The following ZNF821 variants were observed in gnomAD, a reference collection of about 807,000 sequenced individuals.
ZNF821 encodes the protein zinc finger protein 821.
ZNF821 carries 16 observed loss-of-function variants against 44.3 expected under a neutral mutation model. That is an observed-to-expected ratio of 0.36 (90% confidence interval 0.24 to 0.55). The LOEUF (loss-of-function observed/expected upper bound fraction) is 0.55. Among genes scored for constraint, ZNF821 ranks in the 20% least tolerant of loss-of-function variants. The pLI, the probability that ZNF821 is intolerant of heterozygous loss-of-function variation, is 0.86. For synonymous variants in ZNF821, 204 were observed against 197.6 expected (o/e 1.03, Z -0.27); for missense variants, 436 against 547.6 (o/e 0.80, Z 2.03).
intron 1 of ZNF821, 138 bp from the exon 2 acceptor site, chr16:71,883,411 C>T: frequency 2.9e-6 from 1 of 349,722 alleles, no homozygotes; most frequent in South Asian, 2.2e-5. Context: ...CAGGTAAATT[C>T]CCAGGAATTA....
Position 71,880,018 on chromosome 16 carries a change from GC to G in ZNF821, c.-73del. 7.1e-7 allele frequency: 1 copy of G among 1,403,474 alleles called. No individual in the cohort carries two copies. The highest frequency in any genetic ancestry group is 9.9e-7 in the Non-Finnish European group (1 of 1,012,912). The allele number at this position is 1,403,474 out of a possible 1,614,324, so 86.9% of individuals were successfully genotyped here. Reference sequence around the variant, plus strand: ...ATATGTTACTACCTCCTTGCAAGATGCTAACCTGCAATAAAAAAGGTTATTG... The same window carrying G: ...ATATGTTACTACCTCCTTGCAAGATGTAACCTGCAATAAAAAAGGTTATTG... On this transcript the variant is annotated 5_prime_UTR_variant, in exon 3 of 8. Coordinates refer to ENST00000425432, the MANE Select transcript of ZNF821 (RefSeq NM_001201552.2).
chr16:71,893,495 T>C (rs1226428583), intron 1 of ZNF821, among the ~76,000 whole-genome samples: 1 of 151,216 alleles, frequency 6.6e-6, no homozygotes, highest in Non-Finnish European at 1.5e-5. Flanking sequence ...GGTCTCACTC[T>C]GCTGCCCAGG....
At position 71,870,062 on chromosome 16, in the gene ZNF821, G is replaced by C. The variant is rs139521236; in HGVS notation, c.41-2025C>G. ...GAGAACGGCTCTGATCCTAGTGTTAGTGTTTCCTTCATACCATGAGAAATG... is the reference window on the plus strand; with the variant it reads ...GAGAACGGCTCTGATCCTAGTGTTACTGTTTCCTTCATACCATGAGAAATG... On this transcript the variant is annotated intron_variant, in intron 3 of 7. Transcript: ENST00000425432. Among the ~76,000 whole-genome samples the C allele has an allele frequency of 7.9e-5, 12 of 152,292 alleles. No homozygotes were observed. The East Asian group carries it at 2.3e-3, about 29-fold the overall frequency.
intron 1 of ZNF821, among the ~76,000 whole-genome samples, chr16:71,892,178 C>CAAAAAAAAAAAAAAAAAAAAAAAAA (rs560376648): frequency 3.1e-5 from 1 of 31,940 alleles, no homozygotes; most frequent in African/African-American, 8.7e-5. Flanking sequence ...AACTCCGTCT[C>CAAAAAAAAAAAAAAAAAAAAAAAAA]AAAAAAAAAA....
In ZNF821 at chr16:71,860,607, C is replaced by G; in HGVS notation, c.650G>C (p.Ser217Thr). The G allele has an allele frequency of 6.2e-7, 1 of 1,614,144 alleles. No individual in the cohort carries two copies. Among genetic ancestry groups the G allele is most frequent in the Non-Finnish European group, 8.5e-7 (1 of 1,180,028 alleles). The change falls in exon 8 of 8, where the codon AGT (serine) becomes ACT (threonine). Residue 217 changes from serine to threonine, a missense_variant. Around this residue, in one of 5 missense-constraint regions of ZNF821, gnomAD observed 238 missense variants for 281.4 expected, o/e 0.85. Coordinates refer to ENST00000425432, the MANE Select transcript of ZNF821 (RefSeq NM_001201552.2). This position sits in a 1 kb window ranked among gnomAD's most constrained non-coding sequence, Gnocchi z 7.3. ...LPTVHNEGPS[S>T]AEGKDIAFSP... Reference sequence around the variant, plus strand: ...AAAGGCAATATCCTTCCCCTCAGCACTGGAGGGACCCTCATTGTGGACTGT... The same window carrying G: ...AAAGGCAATATCCTTCCCCTCAGCAGTGGAGGGACCCTCATTGTGGACTGT...
chr16:71,867,808 T>C, intron 4 of ZNF821, 104 bp downstream of exon 4: 1 of 1,432,560 alleles, frequency 7.0e-7, no homozygotes, highest in Non-Finnish European at 9.3e-7. Context: ...TATCTCCTTT[T>C]TCATGTCTTT....
At chr16:71,864,591 A>T (rs1302004845) in intron 5 of ZNF821, among the ~76,000 whole-genome samples, 2 of 152,268 alleles carry the variant, frequency 1.3e-5, no homozygotes, top group African/African-American at 4.8e-5. Context: ...ATTTGCAAGC[A>T]CATTCAAGAG....
At chr16:71,876,713 T>C (rs2035861229) in intron 3 of ZNF821, among the ~76,000 whole-genome samples, 1 of 152,156 alleles carries the variant, frequency 6.6e-6, no homozygotes, top group Non-Finnish European at 1.5e-5. Flanking sequence ...GTTCAAGCGA[T>C]CCTCCCACCT....
intron 2 of ZNF821, chr16:71,880,476 C>T (rs908432526): frequency 6.6e-6 from 1 of 152,336 alleles, no homozygotes; most frequent in African/African-American, 2.4e-5. Context: ...GCGGATTTTT[C>T]ATGATGTTAT....
chr16:71,877,813 G>C (rs1410883900), intron 3 of ZNF821, among the ~76,000 whole-genome samples: 1 of 151,098 alleles, frequency 6.6e-6, no homozygotes, highest in Non-Finnish European at 1.5e-5. Context: ...CCAGCTACTC[G>C]GGAGGCTGAG....
chr16:71,885,208 T>G (rs1202925881), upstream of ZNF821: 1 of 152,528 alleles, frequency 6.6e-6, no homozygotes, highest in Non-Finnish European at 1.5e-5. Flanking sequence ...TCCTTCTCTC[T>G]CCTAGTTCCT....
At position 71,860,497 on chromosome 16, in the gene ZNF821, T is replaced by C; in HGVS notation, c.760A>G (p.Ser254Gly). The C allele has an allele frequency of 6.2e-7, 1 of 1,614,128 alleles. No individual in the cohort carries two copies. The highest frequency in any genetic ancestry group is 8.5e-7 in the Non-Finnish European group (1 of 1,180,026). The change falls in exon 8 of 8, where the codon AGT becomes GGT. Residue 254 changes from serine to glycine, a missense_variant. Physicochemically the swap from Ser to Gly is moderately conservative, Grantham distance 56. Transcript: ENST00000425432. The surrounding 1 kb of genome is among the most constrained non-coding windows in gnomAD (Gnocchi z 7.3). ...YRKLLEAQTP[S>G]VRKWALRRQN... ...CGACGTAGAGCCCACTTGCGTACAC[T>C]GGGAGTCTGGGCTTCCAGCAGTTTA...
At chr16:71,883,066 C>G in intron 2 of ZNF821, 145 bp downstream of exon 2, 1 of 456,008 alleles carries the variant, frequency 2.2e-6, no homozygotes, top group African/African-American at 2.0e-5. Flanking sequence ...GGTTAAGAGT[C>G]CTCGGGAAGG....
intron 1 of ZNF821, among the ~76,000 whole-genome samples, chr16:71,893,029 C>CTTTTTTTTT (rs1199482590): frequency 0.083 from 5,485 of 65,758 alleles, 1,168 homozygotes; most frequent in South Asian, 0.24. Context: ...CCCTGCCTGG[C>CTTTTTTTTT]TTTTTTTTTT....
At chr16:71,879,867 T>C (rs779948443) in intron 3 of ZNF821, 40 bp downstream of exon 3, 4 of 1,602,530 alleles carry the variant, frequency 2.5e-6, no homozygotes, top group Admixed American at 3.4e-5. Flanking sequence ...TTCCACCCCT[T>C]AGCATTCCCA....
intron 3 of ZNF821, among the ~76,000 whole-genome samples, chr16:71,871,269 A>G (rs1175045761): frequency 6.6e-6 from 1 of 152,176 alleles, no homozygotes; most frequent in African/African-American, 2.4e-5. Flanking sequence ...TTGTGTTCTT[A>G]TATTTTAGTC....
chr16:71,894,198 C>G (rs919547183), intron 1 of ZNF821: 4 of 152,190 alleles, frequency 2.6e-5, no homozygotes, highest in Non-Finnish European at 4.4e-5. Flanking sequence ...TGCCCCGGTA[C>G]AAGCATTAGA....
At position 71,879,973 on chromosome 16, in the gene ZNF821, T is replaced by C; in HGVS notation, c.-27A>G. Reference sequence around the variant, plus strand: ...TTTCCCTGATGCAAGAGCTCTGGTCTTTCCCAGTTTCACGACTGGATATGT... The same window carrying C: ...TTTCCCTGATGCAAGAGCTCTGGTCCTTCCCAGTTTCACGACTGGATATGT... On this transcript the variant is annotated 5_prime_UTR_variant, in exon 3 of 8. Transcript: ENST00000425432. 6.2e-7 allele frequency: 1 copy of C among 1,609,592 alleles called. No homozygotes were observed. The highest frequency in any genetic ancestry group is 8.5e-7 in the Non-Finnish European group (1 of 1,178,062).
rs751891644 is a variant in ZNF821 at position 71,860,086 on chromosome 16, C to T, written c.1171G>A (p.Val391Met). ...CCCAGAAGCTGGCTGTCCAACTCCA[C>T]CCCACTTACAGGCAGCTGGAAGAAG... ...MNFFQLPVSG[V>M]ELDSQLLGKM... is the part of the protein sequence containing the mutation. The change falls in exon 8 of 8, where the codon GTG becomes ATG. Residue 391 changes from valine (V) to methionine (M), a missense_variant. This residue lies in a region of ZNF821 where 55 missense variants were observed against 56.9 expected (regional missense o/e 0.97). Coordinates refer to ENST00000425432, the MANE Select transcript of ZNF821 (RefSeq NM_001201552.2). The surrounding 1 kb of genome is among the most constrained non-coding windows in gnomAD (Gnocchi z 7.3). 6.2e-7 allele frequency: 1 copy of T among 1,614,182 alleles called. No homozygotes were observed. The highest frequency in any genetic ancestry group is 8.5e-7 in the Non-Finnish European group (1 of 1,180,024).
Sources: gnomAD v4.1 joint callset for allele counts (sites outside exome capture counted in the v4.1 genomes callset) on GRCh38, gnomAD v4.1.1 for gene constraint, gnomAD v4.1.1 regional missense constraint, Gnocchi (gnomAD v3.1) non-coding constraint, MANE v1.5 for transcripts, NCBI Gene and HGNC (gene_info 2026-07-23, HGNC 2026-07-21) for gene names.